ATP10D: variants seen among roughly 807,000 people sequenced by gnomAD.
ATP10D encodes the protein ATPase phospholipid transporting 10D (putative), also known as phospholipid-transporting ATPase VD.
A neutral mutation model predicts 144.8 loss-of-function variants in ATP10D; 89 were observed. The ratio of observed to expected loss-of-function variants is 0.61; its 90% CI spans 0.52 to 0.73. The LOEUF (loss-of-function observed/expected upper bound fraction) is 0.73. Ranked by LOEUF, ATP10D falls within the 30% of genes least tolerant of loss-of-function variation. The pLI is 0.00. For synonymous variants in ATP10D, 571 were observed against 615.1 expected, an observed-to-expected ratio of 0.93 and a Z score of 1.06; for missense variants, 1,603 against 1,714.8, an observed-to-expected ratio of 0.93 and a Z score of 1.15.
intron 1 of ATP10D, among the ~76,000 whole-genome samples, chr4:47,486,235 G>A (rs1714752115): frequency 6.6e-6 from 1 of 152,202 alleles, no homozygotes; most frequent in African/African-American, 2.4e-5. Context: ...GTTGGTTAGG[G>A]AATGGATGGT....
intron 1 of ATP10D, among the ~76,000 whole-genome samples, chr4:47,509,496 C>T (rs1716199470): frequency 6.6e-6 from 1 of 152,166 alleles, no homozygotes; most frequent in South Asian, 2.1e-4. Flanking sequence ...TGTGGAATGG[C>T]TAGCTCAAGG....
intron 21 of ATP10D, among the ~76,000 whole-genome samples, chr4:47,584,892 C>A (rs755985138): frequency 1.5e-4 from 23 of 151,970 alleles, no homozygotes; most frequent in Middle Eastern, 3.2e-3. Context: ...AGGTATCTGC[C>A]ATGGGGAAAT....
intron 18 of ATP10D, among the ~76,000 whole-genome samples, chr4:47,575,505 C>T (rs1387837478): frequency 6.6e-6 from 1 of 152,156 alleles, no homozygotes; most frequent in Non-Finnish European, 1.5e-5. Context: ...GATGGCTGAC[C>T]ACTCTGCTGG....
intron 9 of ATP10D, among the ~76,000 whole-genome samples, chr4:47,542,648 T>C (rs1240541921): frequency 6.6e-6 from 1 of 151,580 alleles, no homozygotes; most frequent in Non-Finnish European, 1.5e-5. Context: ...CAGCTAATTT[T>C]GTGTATTTTT....
rs796644378 is a variant in ATP10D at position 47,528,513 on chromosome 4, G to GTATA, written c.776+2884_776+2887dup. Among the ~76,000 whole-genome samples the GTATA allele has an allele frequency of 3.8e-3, 352 of 93,138 alleles. 1 individual carries two copies. The highest frequency in any genetic ancestry group is 0.01 in the Middle Eastern group (2 of 192). 61.1% of individuals were successfully genotyped at this position (93,138 alleles called of 152,430 possible). A position where few individuals can be genotyped will look rare whatever the true frequency, so the allele number is the denominator to read the frequency against. On this transcript the variant is annotated intron_variant, in intron 5 of 22. Coordinates refer to ENST00000273859, the MANE Select transcript of ATP10D (RefSeq NM_020453.4). ...TGTGTGTGTGTGTGTGTGTGTGTGTGTATATATATATATATACACACCACA... is the reference window on the plus strand; with the variant it reads ...TGTGTGTGTGTGTGTGTGTGTGTGTGTATATATATATATATATATACACACCACA...
chr4:47,558,685 T>C (rs759805612), intron 12 of ATP10D, among the ~76,000 whole-genome samples: 14 of 152,244 alleles, frequency 9.2e-5, no homozygotes, highest in Non-Finnish European at 1.0e-4. Flanking sequence ...ACTGTTGTTA[T>C]TGATGATTTG....
Position 47,515,686 on chromosome 4 carries a change from C to A in ATP10D, c.485+16C>A. 6.4e-7 allele frequency: 1 copy of A among 1,555,120 alleles called. No individual in the cohort carries two copies. Among genetic ancestry groups the A allele is most frequent in the Non-Finnish European group, 8.9e-7 (1 of 1,129,818 alleles). ...TTTATAGTAGGTAAGTGTAATGGGA[C>A]CTTTGCTAAGGACTATGTATGTATC... On this transcript the variant is annotated intron_variant, in intron 3 of 22. Coordinates refer to ENST00000273859, the MANE Select transcript of ATP10D (RefSeq NM_020453.4).
At position 47,546,642 on chromosome 4, in the gene ATP10D, A is replaced by C; in HGVS notation, c.1415A>C (p.Tyr472Ser). The C allele has an allele frequency of 1.2e-6, 2 of 1,614,102 alleles. No individual in the cohort carries two copies. The highest frequency in any genetic ancestry group is 1.1e-5 in the South Asian group (1 of 91,074). The change falls in exon 10 of 23, where the codon TAT (tyrosine) becomes TCT (serine). Residue 472 changes from tyrosine (Y) to serine (S), a missense_variant. Physicochemically the swap from Tyr to Ser is moderately radical, Grantham distance 144. Transcript: ENST00000273859. Reference protein sequence around the residue: ...HEENARRLESYQEAVSEDEDF... With the variant: ...HEENARRLESSQEAVSEDEDF... ...CCCACAGCCAGGAGGTTGGAGTCCT[A>C]TCAGGAAGCTGTCTCTGAAGATGAA...
chr4:47,528,979 C>A (rs1717419915), intron 5 of ATP10D, among the ~76,000 whole-genome samples: 1 of 151,764 alleles, frequency 6.6e-6, no homozygotes, highest in African/African-American at 2.4e-5. Flanking sequence ...CTGTTGATGT[C>A]TTTTGTCTAC....
At chr4:47,535,306 A>G (rs1426210816) in intron 5 of ATP10D, among the ~76,000 whole-genome samples, 1 of 133,458 alleles carries the variant, frequency 7.5e-6, no homozygotes, top group Non-Finnish European at 1.7e-5. Context: ...TACCACCTGA[A>G]CCTAAAAGTC....
At chr4:47,545,171 A>C (rs1036214527) in intron 9 of ATP10D, among the ~76,000 whole-genome samples, 3 of 152,242 alleles carry the variant, frequency 2.0e-5, no homozygotes, top group Admixed American at 6.5e-5. Context: ...TCTAGTAAAG[A>C]AGCCCTCAGG....
intron 3 of ATP10D, among the ~76,000 whole-genome samples, chr4:47,520,079 CTT>C (rs1716867838): frequency 6.6e-6 from 1 of 152,106 alleles, no homozygotes; most frequent in Non-Finnish European, 1.5e-5. Flanking sequence ...GAGAAAGAAA[CTT>C]GTTCCTTAGA....
intron 1 of ATP10D, among the ~76,000 whole-genome samples, chr4:47,508,040 C>T (rs1037260711): frequency 3.9e-5 from 6 of 152,174 alleles, no homozygotes; most frequent in Non-Finnish European, 8.8e-5. Context: ...ATTCCAGATC[C>T]TCTAAATCAG....
intron 5 of ATP10D, among the ~76,000 whole-genome samples, chr4:47,532,209 C>G (rs1010573526): frequency 6.6e-6 from 1 of 152,116 alleles, no homozygotes; most frequent in Non-Finnish European, 1.5e-5. Context: ...TAGACACATT[C>G]GAGCATCATT....
chr4:47,501,825 A>G (rs1185926904), intron 1 of ATP10D, among the ~76,000 whole-genome samples: 1 of 152,214 alleles, frequency 6.6e-6, no homozygotes, highest in African/African-American at 2.4e-5. Context: ...AGATATTGTT[A>G]TGATCTTAGG....
intron 5 of ATP10D, among the ~76,000 whole-genome samples, chr4:47,527,327 G>A (rs891038471): frequency 2.6e-5 from 4 of 151,990 alleles, no homozygotes; most frequent in African/African-American, 9.7e-5. Flanking sequence ...AGACTTAAAT[G>A]TACATCTACA....
intron 20 of ATP10D, among the ~76,000 whole-genome samples, chr4:47,581,449 T>C (rs1039341831): frequency 6.6e-6 from 1 of 152,208 alleles, no homozygotes; most frequent in Non-Finnish European, 1.5e-5. Flanking sequence ...TGAATTAGCC[T>C]TGCTGGAGTT....
In ATP10D at chr4:47,496,156, CTTTT is replaced by C. The variant is rs5858072; in HGVS notation, c.-38+10652_-38+10655del. ...CATTTGTGTAGTGACTTTCCTTTTT[CTTTT>C]TTTTTTTTTTTTTTGAGACGGAGTT... On this transcript the variant is annotated intron_variant, in intron 1 of 22. Coordinates refer to ENST00000273859, the MANE Select transcript of ATP10D (RefSeq NM_020453.4). 5.3e-5 allele frequency among the ~76,000 whole-genome samples: 7 copies of C among 132,886 alleles called. No individual in the cohort carries two copies. The South Asian group carries it at 6.9e-4, about 13-fold the overall frequency. 87.2% of individuals were successfully genotyped at this position (132,886 alleles called of 152,430 possible). A position where few individuals can be genotyped will look rare whatever the true frequency, so the allele number is the denominator to read the frequency against.
At chr4:47,539,150 A>C (rs917888939) in intron 9 of ATP10D, among the ~76,000 whole-genome samples, 1 of 152,208 alleles carries the variant, frequency 6.6e-6, no homozygotes, top group Admixed American at 6.5e-5. Context: ...TCTTTGTTAT[A>C]TAAATTTGTC....
Sources: gnomAD v4.1 joint callset for allele counts (sites outside exome capture counted in the v4.1 genomes callset) on GRCh38, gnomAD v4.1.1 for gene constraint, MANE v1.5 for transcripts, NCBI Gene and HGNC (gene_info 2026-07-23, HGNC 2026-07-21) for gene names.